CFAP54: variants seen among roughly 807,000 people sequenced by gnomAD.
The protein encoded by CFAP54 is cilia- and flagella-associated protein 54.
A neutral mutation model predicts 370.4 loss-of-function variants in CFAP54; 290 were observed. That is an observed-to-expected ratio of 0.78 (90% confidence interval 0.71 to 0.86). The LOEUF (loss-of-function observed/expected upper bound fraction) is 0.86. Ranked by LOEUF, CFAP54 falls within the 40% of genes least tolerant of loss-of-function variation. The pLI is 0.00. For synonymous variants in CFAP54, 1,206 were observed against 1,236.5 expected, an observed-to-expected ratio of 0.98 and a Z score of 0.52; for missense variants, 3,399 against 3,528.7, an observed-to-expected ratio of 0.96 and a Z score of 0.93.
At chr12:96,589,347 A>G in intron 22 of CFAP54, 80 bp from the exon 23 acceptor site, 1 of 1,158,886 alleles carries the variant, frequency 8.6e-7, no homozygotes, top group Non-Finnish European at 1.2e-6. Flanking sequence ...GCTGTCATAG[A>G]TTGTATATTT....
intron 19 of CFAP54, among the ~76,000 whole-genome samples, chr12:96,567,267 G>A (rs935996937): frequency 5.3e-5 from 8 of 152,280 alleles, no homozygotes; most frequent in Middle Eastern, 3.4e-3. Flanking sequence ...GGTAGGAGTC[G>A]GGTGGGGGAG....
chr12:96,575,896 TAG>T (rs1315592586), intron 19 of CFAP54, among the ~76,000 whole-genome samples: 1 of 152,136 alleles, frequency 6.6e-6, no homozygotes, highest in African/African-American at 2.4e-5. Flanking sequence ...AGAGCTCAGT[TAG>T]AGAGTCTTTG....
intron 39 of CFAP54, among the ~76,000 whole-genome samples, chr12:96,670,104 TG>T (rs1241985073): frequency 6.6e-6 from 1 of 152,198 alleles, no homozygotes; most frequent in Non-Finnish European, 1.5e-5. Flanking sequence ...CAAGCTTCCG[TG>T]GGTTGTTTCC....
chr12:96,597,311 G>A (rs1386229594), intron 25 of CFAP54, among the ~76,000 whole-genome samples: 1 of 151,886 alleles, frequency 6.6e-6, no homozygotes, highest in Non-Finnish European at 1.5e-5. Context: ...TGGACCTGAG[G>A]AACCTACTGG....
rs980221946 is a variant in CFAP54, at chr12:96,817,004, C to T, written c.8958-771C>T. On this transcript the variant is annotated intron_variant, in intron 64 of 67. Transcript: ENST00000524981. ...TCCCATTCCCGACACACATGCAATA[C>T]ACTGAATTGTTATGGGTCCGTTGAC... is the stretch of plus-strand genomic sequence containing the variant. 5.3e-5 allele frequency among the ~76,000 whole-genome samples: 8 copies of T among 152,332 alleles called. 1 individual carries two copies. In the East Asian group the frequency reaches 5.8e-4, roughly 11 times the overall value.
At chr12:96,852,392 C>A (rs1330273738) in intron 66 of CFAP54, among the ~76,000 whole-genome samples, 1 of 151,996 alleles carries the variant, frequency 6.6e-6, no homozygotes, top group East Asian at 1.9e-4. Context: ...GGAAGAGATC[C>A]ATACATATAC....
intron 67 of CFAP54, among the ~76,000 whole-genome samples, chr12:96,867,220 A>G (rs1960028152): frequency 6.6e-6 from 1 of 152,168 alleles, no homozygotes. Context: ...ACATTTGTTC[A>G]TTTGATAGAT....
At chr12:96,529,913 C>T (rs747002564) in intron 9 of CFAP54, among the ~76,000 whole-genome samples, 5 of 152,078 alleles carry the variant, frequency 3.3e-5, no homozygotes, top group African/African-American at 4.8e-5. Context: ...ACCCCAATGT[C>T]GTAAATATAT....
intron 9 of CFAP54, among the ~76,000 whole-genome samples, chr12:96,527,828 A>G (rs922159558): frequency 1.6e-4 from 24 of 152,124 alleles, no homozygotes; most frequent in Non-Finnish European, 3.2e-4. Context: ...TCAGCCTCCT[A>G]AAGTGCTGGA....
At chr12:96,593,600 C>T (rs1290775054) in intron 24 of CFAP54, among the ~76,000 whole-genome samples, 1 of 151,992 alleles carries the variant, frequency 6.6e-6, no homozygotes, top group African/African-American at 2.4e-5. Context: ...CAGTGAATTC[C>T]AGAATGCTAG....
rs569278936 is a variant in CFAP54 at position 96,554,947 on chromosome 12, A to T, written c.2410+145A>T. ...TTTTTCTACTTCCCTAATTAATATC[A>T]ATAAAAACATAATTAAATCTTTCCT... On this transcript the variant is annotated intron_variant, in intron 17 of 67. Transcript: ENST00000524981. The T allele has an allele frequency of 2.4e-3, 1,510 of 639,140 alleles. 12 individuals are homozygous for T. The highest frequency in any genetic ancestry group is 1.5e-3 in the Non-Finnish European group (664 of 429,722). The allele number at this position is 639,140 out of a possible 1,614,324, so 39.6% of individuals were successfully genotyped here. A position where few individuals can be genotyped will look rare whatever the true frequency, so the allele number is the denominator to read the frequency against.
chr12:96,705,875 G>A (rs1030223639), intron 47 of CFAP54, among the ~76,000 whole-genome samples: 3 of 152,136 alleles, frequency 2.0e-5, no homozygotes, highest in African/African-American at 7.2e-5. Flanking sequence ...TTGCTGTAGA[G>A]AGAAAAGACA....
chr12:96,529,843 A>G (rs1391088420), intron 9 of CFAP54, among the ~76,000 whole-genome samples: 3 of 152,180 alleles, frequency 2.0e-5, no homozygotes, highest in Non-Finnish European at 4.4e-5. Flanking sequence ...ATATAGTCCA[A>G]TTTATCAATA....
intron 12 of CFAP54, among the ~76,000 whole-genome samples, chr12:96,537,910 A>C (rs12306605): frequency 0.4 from 61,300 of 151,658 alleles, 12,891 homozygotes; most frequent in South Asian, 0.46. Context: ...CAACATGGTG[A>C]AACTCCATAT....
chr12:96,805,972 G>C (rs1958873017), intron 63 of CFAP54, among the ~76,000 whole-genome samples: 1 of 150,994 alleles, frequency 6.6e-6, no homozygotes, highest in African/African-American at 2.4e-5. Context: ...AATAGCACAT[G>C]TTCTCACTTA....
intron 67 of CFAP54, among the ~76,000 whole-genome samples, chr12:96,866,725 A>G (rs1312818782): frequency 2.0e-5 from 3 of 152,242 alleles, no homozygotes; most frequent in African/African-American, 7.2e-5. Flanking sequence ...GCAATTCGGA[A>G]CTAATGTAGA....
At chr12:96,777,476 A>T (rs1958529703) in intron 60 of CFAP54, among the ~76,000 whole-genome samples, 1 of 151,748 alleles carries the variant, frequency 6.6e-6, no homozygotes, top group South Asian at 2.1e-4. Flanking sequence ...CAGCCTCCTG[A>T]GTAGCTGGGA....
At chr12:96,849,241 A>G (rs1045904874) in intron 66 of CFAP54, among the ~76,000 whole-genome samples, 1 of 152,240 alleles carries the variant, frequency 6.6e-6, no homozygotes, top group African/African-American at 2.4e-5. Flanking sequence ...GCTTTAAGCT[A>G]TTAAAGTTTT....
At chr12:96,607,359 C>A (rs1192361237) in intron 26 of CFAP54, among the ~76,000 whole-genome samples, 1 of 151,626 alleles carries the variant, frequency 6.6e-6, no homozygotes, top group Non-Finnish European at 1.5e-5. Context: ...GCAGAGAGCA[C>A]TTTTAAGGAG....
Sources: gnomAD v4.1 joint callset for allele counts (sites outside exome capture counted in the v4.1 genomes callset) on GRCh38, gnomAD v4.1.1 for gene constraint, MANE v1.5 for transcripts, NCBI Gene and HGNC (gene_info 2026-07-23, HGNC 2026-07-21) for gene names.